The following BIN2 variants were observed in gnomAD, a reference collection of about 807,000 sequenced individuals.
BIN2 encodes the protein bridging integrator 2, also known as breast cancer associated protein BRAP1.
In BIN2, 43 loss-of-function variants were observed where a neutral mutation model predicts 67.9. The ratio of observed to expected loss-of-function variants is 0.63; its 90% CI spans 0.50 to 0.82. The LOEUF (loss-of-function observed/expected upper bound fraction) is 0.82, where lower values mean the gene tolerates loss of function less well. Among genes scored for constraint, BIN2 ranks in the 40% least tolerant of loss-of-function variants. BIN2 has a pLI of 0.00. For missense variants in BIN2, 581 were observed against 671.6 expected, an observed-to-expected ratio of 0.87 and a Z score of 1.49; for synonymous variants, 244 against 246.8, an observed-to-expected ratio of 0.99 and a Z score of 0.11.
intron 1 of BIN2, among the ~76,000 whole-genome samples, chr12:51,315,557 G>C (rs1946105914): frequency 6.6e-6 from 1 of 152,180 alleles, no homozygotes; most frequent in Admixed American, 6.5e-5. Flanking sequence ...ACTGTAAACT[G>C]TGCATGGCTT....
intron 1 of BIN2, chr12:51,323,316 A>T (rs1173005924): frequency 5.3e-5 from 8 of 151,576 alleles, no homozygotes; most frequent in Admixed American, 5.2e-4. Flanking sequence ...CCCACAATTT[A>T]GATTGCCAAG....
At chr12:51,286,277 C>T (rs1245287792) in intron 11 of BIN2, among the ~76,000 whole-genome samples, 5 of 152,080 alleles carry the variant, frequency 3.3e-5, no homozygotes, top group East Asian at 1.9e-4. Flanking sequence ...ATTGATGACA[C>T]GAATAGGCTA....
chr12:51,292,491 G>A (rs535373052), intron 9 of BIN2, 147 bp from the exon 10 acceptor site: 7 of 935,484 alleles, frequency 7.5e-6, no homozygotes, highest in East Asian at 5.5e-5. Flanking sequence ...CACTTATACA[G>A]TGAAATGAAA....
chr12:51,324,185 G>C, upstream of BIN2: 2 of 1,558,892 alleles, frequency 1.3e-6, no homozygotes, highest in Non-Finnish European at 8.6e-7. Flanking sequence ...GCGGGCTCCC[G>C]GCATGCCTCG....
intron 5 of BIN2, among the ~76,000 whole-genome samples, chr12:51,301,328 C>G (rs1342121559): frequency 6.6e-6 from 1 of 151,960 alleles, no homozygotes; most frequent in Non-Finnish European, 1.5e-5. Flanking sequence ...AGGTTGAATT[C>G]CTATTTTACC....
chr12:51,304,990 G>T (rs561053042), intron 2 of BIN2, among the ~76,000 whole-genome samples: 5 of 150,674 alleles, frequency 3.3e-5, no homozygotes, highest in South Asian at 2.1e-4. Context: ...CGTACTCCAG[G>T]CTGGGCGACA....
intron 10 of BIN2, 70 bp from the exon 11 acceptor site, chr12:51,288,258 T>C: frequency 7.7e-7 from 1 of 1,300,620 alleles, no homozygotes; most frequent in Non-Finnish European, 1.1e-6. Flanking sequence ...CCTGTGCCCT[T>C]GGTCCATATT....
intron 12 of BIN2, among the ~76,000 whole-genome samples, chr12:51,282,657 A>AGTG (rs1945142860): frequency 6.6e-6 from 1 of 152,142 alleles, no homozygotes; most frequent in Non-Finnish European, 1.5e-5. Flanking sequence ...GTGCAGTGGC[A>AGTG]CAATCCTGGC....
chr12:51,305,380 G>A (rs1945841846), intron 2 of BIN2, among the ~76,000 whole-genome samples: 1 of 151,486 alleles, frequency 6.6e-6, no homozygotes, highest in Non-Finnish European at 1.5e-5. Context: ...AATCCTAGCA[G>A]TTTGGGATGC....
intron 1 of BIN2, among the ~76,000 whole-genome samples, chr12:51,321,442 C>T (rs1279215323): frequency 1.3e-5 from 2 of 151,842 alleles, no homozygotes; most frequent in Middle Eastern, 3.4e-3. Context: ...TCTTGTTGCA[C>T]AAGTTGGAGT....
rs1945108865 is a variant in BIN2 at position 51,281,063 on chromosome 12, A to G, written c.*436T>C. On this transcript the variant is annotated 3_prime_UTR_variant, in exon 13 of 13. Coordinates refer to ENST00000615107, the MANE Select transcript of BIN2 (RefSeq NM_016293.4). Reference sequence around the variant, plus strand: ...TAGTCAGAATCAGACTTTATTTAACAATCTGAAAATGTGTTCTTCCGGCTT... The same window carrying G: ...TAGTCAGAATCAGACTTTATTTAACGATCTGAAAATGTGTTCTTCCGGCTT... 1 of 171,712 alleles carries G rather than the reference A, an allele frequency of 5.8e-6. No homozygotes were observed. The highest frequency in any genetic ancestry group is 1.5e-4 in the South Asian group (1 of 6,478). The allele number at this position is 171,712 out of a possible 1,614,324, so 10.6% of individuals were successfully genotyped here. A position where few individuals can be genotyped will look rare whatever the true frequency, so the allele number is the denominator to read the frequency against.
chr12:51,290,763 C>T (rs573776446), intron 10 of BIN2, among the ~76,000 whole-genome samples: 244 of 152,026 alleles, frequency 1.6e-3, no homozygotes, highest in Middle Eastern at 3.4e-3. Flanking sequence ...GAAACCCCAT[C>T]TCTACTAAAA....
chr12:51,314,094 C>G (rs1379181324), intron 1 of BIN2, among the ~76,000 whole-genome samples, 191 bp from the exon 2 acceptor site: 4 of 151,976 alleles, frequency 2.6e-5, no homozygotes, highest in African/African-American at 9.7e-5. Flanking sequence ...GTTGCCCAGG[C>G]TGGAGTGCAG....
chr12:51,289,772 T>C (rs1945336149), intron 10 of BIN2, among the ~76,000 whole-genome samples: 1 of 151,956 alleles, frequency 6.6e-6, no homozygotes, highest in African/African-American at 2.4e-5. Flanking sequence ...TGGAGTGTAG[T>C]AGTGCTCACT....
intron 2 of BIN2, among the ~76,000 whole-genome samples, chr12:51,304,806 G>A (rs979458812): frequency 3.3e-5 from 5 of 151,152 alleles, no homozygotes; most frequent in African/African-American, 1.2e-4. Context: ...CACGAGGTCA[G>A]GAGATCAAGG....
intron 1 of BIN2, among the ~76,000 whole-genome samples, chr12:51,321,807 T>C (rs1410665610): frequency 6.6e-6 from 1 of 152,230 alleles, no homozygotes; most frequent in Non-Finnish European, 1.5e-5. Flanking sequence ...GAAGATTACA[T>C]CCAACTGCTT....
intron 10 of BIN2, among the ~76,000 whole-genome samples, chr12:51,288,658 T>G (rs1421625111): frequency 1.3e-5 from 2 of 152,176 alleles, no homozygotes; most frequent in South Asian, 2.1e-4. Context: ...CAGTAAGTAA[T>G]TGTAGAATGA....
intron 2 of BIN2, among the ~76,000 whole-genome samples, chr12:51,304,685 T>C (rs1273640453): frequency 6.6e-6 from 1 of 152,244 alleles, no homozygotes; most frequent in African/African-American, 2.4e-5. Context: ...TGTTAATTGC[T>C]GTATTCATTA....
intron 8 of BIN2, 135 bp from the exon 9 acceptor site, chr12:51,296,013 T>A (rs1945557019): frequency 2.9e-6 from 2 of 689,998 alleles, no homozygotes; most frequent in Non-Finnish European, 5.1e-6. Context: ...TTCCTCTTCA[T>A]CTGTCTAGCA....
Sources: allele counts gnomAD v4.1 joint callset (sites outside exome capture counted in the v4.1 genomes callset), GRCh38; gene constraint gnomAD v4.1.1; transcripts MANE v1.5; gene names NCBI Gene and HGNC (gene_info 2026-07-23, HGNC 2026-07-21).